The following TLK1 variants were observed in gnomAD, a reference collection of about 807,000 sequenced individuals.
TLK1 encodes the protein tousled like kinase 1.
Under a neutral mutation model 105.3 loss-of-function variants are expected in TLK1, and 24 were observed. The observed-to-expected ratio is 0.23, with a 90% CI of 0.17 to 0.32. The LOEUF (loss-of-function observed/expected upper bound fraction) is 0.32. Ranked by LOEUF, TLK1 falls within the 10% of genes least tolerant of loss-of-function variation. The pLI is 1.00. For missense variants in TLK1, 558 were observed against 910.5 expected (o/e 0.61, Z 4.98); for synonymous variants, 321 against 310.4 (o/e 1.03, Z -0.36).
intron 1 of TLK1, among the ~76,000 whole-genome samples, chr2:171,129,866 A>ATAACATAACG (rs1691027113): frequency 6.6e-6 from 1 of 152,018 alleles, no homozygotes; most frequent in Non-Finnish European, 1.5e-5. Context: ...ATAACATAAC[A>ATAACATAACG]TAACATAACA....
At chr2:171,107,966 AG>A (rs774172120) in intron 2 of TLK1, among the ~76,000 whole-genome samples, 1 of 151,534 alleles carries the variant, frequency 6.6e-6, no homozygotes, top group African/African-American at 2.4e-5. Flanking sequence ...CTTACGCATG[AG>A]GATCACTTGA....
At chr2:171,198,924 C>A (rs1693328756) in intron 1 of TLK1, among the ~76,000 whole-genome samples, 1 of 152,142 alleles carries the variant, frequency 6.6e-6, no homozygotes, top group Admixed American at 6.6e-5. Context: ...CAAAGCATGA[C>A]TTTGACATCA....
At chr2:171,115,096 C>T (rs1364434091) in intron 2 of TLK1, among the ~76,000 whole-genome samples, 2 of 151,516 alleles carry the variant, frequency 1.3e-5, no homozygotes, top group African/African-American at 4.9e-5. Context: ...AATCATCTTT[C>T]AGTTTTCTTC....
At chr2:171,230,615 T>A (rs10168737) in intron 1 of TLK1, among the ~76,000 whole-genome samples, 10,496 of 152,202 alleles carry the variant, frequency 0.069, 581 homozygotes, top group East Asian at 0.24. Flanking sequence ...GGAGATAGAT[T>A]TGAGATTTCC....
At chr2:171,150,436 A>C (rs1345782625) in intron 1 of TLK1, among the ~76,000 whole-genome samples, 1 of 152,222 alleles carries the variant, frequency 6.6e-6, no homozygotes, top group Non-Finnish European at 1.5e-5. Context: ...ACTACACCTC[A>C]TCCAATTCAT....
chr2:171,155,702 T>C (rs1286616221), intron 1 of TLK1: 1 of 152,180 alleles, frequency 6.6e-6, no homozygotes, highest in Non-Finnish European at 1.5e-5. Context: ...CCACTTTAAA[T>C]TCTCAAAACT....
intron 1 of TLK1, among the ~76,000 whole-genome samples, chr2:171,156,477 TAA>T (rs1216843596): frequency 6.6e-6 from 1 of 152,238 alleles, no homozygotes; most frequent in Non-Finnish European, 1.5e-5. Flanking sequence ...CAATAATTGT[TAA>T]GAGAGTAAAG....
intron 1 of TLK1, among the ~76,000 whole-genome samples, chr2:171,213,946 C>G (rs1449232379): frequency 1.3e-5 from 2 of 151,108 alleles, no homozygotes; most frequent in Non-Finnish European, 3.0e-5. Context: ...AGGCTGGTCT[C>G]AAACTCCAGC....
intron 3 of TLK1, among the ~76,000 whole-genome samples, chr2:171,076,356 C>T (rs1005043794): frequency 1.3e-5 from 2 of 152,116 alleles, no homozygotes; most frequent in Admixed American, 6.5e-5. Flanking sequence ...CTGTCTCACA[C>T]GCTCACTTCT....
chr2:171,150,863 G>A (rs1692001847), intron 1 of TLK1, among the ~76,000 whole-genome samples: 1 of 152,114 alleles, frequency 6.6e-6, no homozygotes, highest in African/African-American at 2.4e-5. Flanking sequence ...GTAACCAAAG[G>A]ATTCATGACT....
intron 1 of TLK1, among the ~76,000 whole-genome samples, chr2:171,177,995 T>C (rs1368066304): frequency 1.3e-5 from 2 of 151,992 alleles, no homozygotes; most frequent in African/African-American, 4.8e-5. Flanking sequence ...GGTTTCTCCA[T>C]GTTGGCCAGG....
In TLK1 at chr2:171,006,976, G is replaced by A. The variant is rs962101850; in HGVS notation, c.1504C>T (p.His502Tyr). 5.0e-5 allele frequency: 80 copies of A among 1,607,850 alleles called. No homozygotes were observed. Among genetic ancestry groups the A allele is most frequent in the Non-Finnish European group, 6.5e-5 (77 of 1,178,032 alleles). The change falls in exon 15 of 21, where the codon CAC (histidine) becomes TAC (tyrosine). Residue 502 changes from histidine (H) to tyrosine (Y), a missense_variant. By Grantham distance (83) the His-to-Tyr change is moderately conservative. Around this residue, in one of 5 missense-constraint regions of TLK1, gnomAD observed 218 missense variants for 492.9 expected, o/e 0.44. Coordinates refer to ENST00000431350, the MANE Select transcript of TLK1 (RefSeq NM_012290.5). ...SWRDEKKENY[H>Y]KHACREYRIH... is the part of the protein sequence containing the mutation. Reference sequence around the variant, plus strand: ...CCATAAAGTATTAGTATTTACTTGTGGTAGTTTTCTTTCTTCTCATCTCTC... The same window carrying A: ...CCATAAAGTATTAGTATTTACTTGTAGTAGTTTTCTTTCTTCTCATCTCTC...
intron 1 of TLK1, among the ~76,000 whole-genome samples, chr2:171,147,994 G>T (rs373848009): frequency 6.6e-6 from 1 of 151,722 alleles, no homozygotes; most frequent in African/African-American, 2.4e-5. Flanking sequence ...AGGTTCAAGC[G>T]ATTCTCCTGC....
chr2:170,998,575 C>T (rs898367163), intron 18 of TLK1, among the ~76,000 whole-genome samples: 1 of 152,112 alleles, frequency 6.6e-6, no homozygotes, highest in Non-Finnish European at 1.5e-5. Context: ...TTGCTTCTCC[C>T]CAGGTGGCTC....
intron 1 of TLK1, among the ~76,000 whole-genome samples, chr2:171,145,653 A>G (rs1039903099): frequency 2.6e-5 from 4 of 152,150 alleles, no homozygotes; most frequent in Admixed American, 2.6e-4. Context: ...TGTTCATAAT[A>G]CCATTATTAA....
chr2:171,146,040 T>A (rs915423289), intron 1 of TLK1, among the ~76,000 whole-genome samples: 8 of 152,144 alleles, frequency 5.3e-5, no homozygotes, highest in African/African-American at 1.9e-4. Context: ...CTTTTCAGTA[T>A]GTGTTATGCT....
At chr2:171,088,237 T>G (rs1267779454) in intron 2 of TLK1, among the ~76,000 whole-genome samples, 2 of 151,950 alleles carry the variant, frequency 1.3e-5, no homozygotes, top group African/African-American at 4.8e-5. Context: ...GAGGCTAAGG[T>G]AGGAGGATCA....
intron 1 of TLK1, among the ~76,000 whole-genome samples, chr2:171,151,145 C>CT (rs1692016073): frequency 6.6e-6 from 1 of 151,872 alleles, no homozygotes; most frequent in Non-Finnish European, 1.5e-5. Flanking sequence ...AGCCTCCCAA[C>CT]TAGCTGCAAC....
intron 10 of TLK1, among the ~76,000 whole-genome samples, chr2:171,047,021 A>T (rs900573159): frequency 2.0e-5 from 3 of 152,258 alleles, no homozygotes; most frequent in South Asian, 2.1e-4. Context: ...TATGAGAAAA[A>T]TTTTTTTGAT....
Sources: allele counts gnomAD v4.1 joint callset (sites outside exome capture counted in the v4.1 genomes callset), GRCh38; gene constraint gnomAD v4.1.1; regional missense constraint gnomAD v4.1.1; transcripts MANE v1.5; gene names NCBI Gene and HGNC (gene_info 2026-07-23, HGNC 2026-07-21).